Variants in LRP1B observed in about 807,000 individuals in gnomAD.
LRP1B encodes the protein LDL receptor related protein 1B.
LRP1B carries 217 observed loss-of-function variants against 556.6 expected under a neutral mutation model. The observed-to-expected ratio is 0.39, with a 90% CI of 0.35 to 0.44. The LOEUF (loss-of-function observed/expected upper bound fraction) is 0.44. Ranked by LOEUF, LRP1B falls within the 20% of genes least tolerant of loss-of-function variation. The pLI, the probability that LRP1B is intolerant of heterozygous loss-of-function variation, is 1.00. For missense variants in LRP1B, 5,053 were observed against 5,620.8 expected (o/e 0.90, Z 3.23); for synonymous variants, 2,047 against 1,865.8 (o/e 1.10, Z -2.50).
chr2:142,093,318 A>G (rs1346986834), intron 1 of LRP1B, among the ~76,000 whole-genome samples: 1 of 152,080 alleles, frequency 6.6e-6, no homozygotes, highest in African/African-American at 2.4e-5. Flanking sequence ...TGAGGGCAGC[A>G]TCACTTTTAC....
intron 7 of LRP1B, among the ~76,000 whole-genome samples, chr2:141,096,530 C>T (rs181723827): frequency 8.2e-4 from 125 of 151,750 alleles, no homozygotes; most frequent in South Asian, 2.1e-3. Flanking sequence ...ATGTAACACA[C>T]CTATCTGTGA....
At chr2:142,042,511 T>C (rs188393070) in intron 1 of LRP1B, among the ~76,000 whole-genome samples, 4 of 151,610 alleles carry the variant, frequency 2.6e-5, no homozygotes, top group African/African-American at 4.8e-5. Flanking sequence ...CTGTATACCA[T>C]TTGATCTCTA....
intron 20 of LRP1B, among the ~76,000 whole-genome samples, chr2:140,927,966 G>A (rs528017105): frequency 7.3e-5 from 11 of 151,582 alleles, no homozygotes; most frequent in East Asian, 5.8e-4. Context: ...GGCAGGTCTC[G>A]AACTCCTGAC....
intron 79 of LRP1B, among the ~76,000 whole-genome samples, chr2:140,332,468 T>C (rs778270177): frequency 1.3e-5 from 2 of 152,088 alleles, no homozygotes; most frequent in Non-Finnish European, 2.9e-5. Context: ...TGGTGCCTTA[T>C]GCAGATCTCC....
At chr2:140,572,450 A>G (rs1681358223) in intron 43 of LRP1B, among the ~76,000 whole-genome samples, 1 of 151,854 alleles carries the variant, frequency 6.6e-6, no homozygotes, top group African/African-American at 2.4e-5. Flanking sequence ...ATAAGATATC[A>G]TCTCACCCCA....
At chr2:141,215,782 G>A (rs574731058) in intron 6 of LRP1B, among the ~76,000 whole-genome samples, 8 of 152,314 alleles carry the variant, frequency 5.3e-5, no homozygotes, top group African/African-American at 1.9e-4. Flanking sequence ...CATTCAAGAT[G>A]TGTCCTGGCT....
intron 2 of LRP1B, among the ~76,000 whole-genome samples, chr2:141,616,123 A>G (rs1051239805): frequency 6.6e-6 from 1 of 152,002 alleles, no homozygotes; most frequent in Non-Finnish European, 1.5e-5. Context: ...ATCTACTAAA[A>G]ATACAAACAT....
chr2:141,226,114 T>TC (rs1007585013), intron 6 of LRP1B, among the ~76,000 whole-genome samples: 1 of 35,332 alleles, frequency 2.8e-5, no homozygotes, highest in Admixed American at 4.8e-4. Flanking sequence ...AGAGTCTCAA[T>TC]TTTCCCCCCC....
chr2:141,048,118 G>C (rs1339499099), intron 11 of LRP1B, among the ~76,000 whole-genome samples: 4 of 152,010 alleles, frequency 2.6e-5, no homozygotes, highest in African/African-American at 7.2e-5. Flanking sequence ...TTTATCTCCT[G>C]CGATATAGCT....
intron 3 of LRP1B, among the ~76,000 whole-genome samples, chr2:141,285,737 T>G (rs1285470662): frequency 1.1e-4 from 16 of 143,418 alleles, no homozygotes; most frequent in Admixed American, 1.1e-3. Context: ...ATTACAGGTG[T>G]GAGCCACCGA....
intron 3 of LRP1B, among the ~76,000 whole-genome samples, chr2:141,371,212 C>G (rs1296261441): frequency 6.6e-6 from 1 of 152,024 alleles, no homozygotes; most frequent in Non-Finnish European, 1.5e-5. Context: ...ACTTAGTTCT[C>G]TATTCTATTC....
intron 3 of LRP1B, among the ~76,000 whole-genome samples, chr2:141,393,159 A>G (rs1458844942): frequency 6.6e-6 from 1 of 152,118 alleles, no homozygotes; most frequent in African/African-American, 2.4e-5. Flanking sequence ...AACAAAGCAT[A>G]TAAGACTAAG....
chr2:141,762,604 A>G (rs1694597962), intron 2 of LRP1B, among the ~76,000 whole-genome samples: 1 of 152,084 alleles, frequency 6.6e-6, no homozygotes, highest in South Asian at 2.1e-4. Flanking sequence ...GGCAGGAAGG[A>G]TGTTGTAAGG....
intron 2 of LRP1B, among the ~76,000 whole-genome samples, chr2:141,782,514 CTTTT>C (rs5834867): frequency 5.1e-5 from 5 of 97,862 alleles, no homozygotes; most frequent in Non-Finnish European, 7.6e-5. Flanking sequence ...TTCTATTTTC[CTTTT>C]TTTTTTTTTT....
intron 75 of LRP1B, among the ~76,000 whole-genome samples, chr2:140,355,057 A>AGTAAG (rs545628125): frequency 0.023 from 3,429 of 152,088 alleles, 60 homozygotes; most frequent in Non-Finnish European, 0.034. Context: ...AGAGTTCAGA[A>AGTAAG]GTTACTCGTC....
intron 2 of LRP1B, among the ~76,000 whole-genome samples, chr2:141,665,720 T>C (rs370282524): frequency 7.9e-4 from 120 of 152,308 alleles, no homozygotes; most frequent in African/African-American, 2.6e-3. Context: ...ATGTGGTACA[T>C]ATATACCATG....
chr2:141,435,086 C>T (rs1005297715), intron 3 of LRP1B, among the ~76,000 whole-genome samples: 2 of 152,188 alleles, frequency 1.3e-5, no homozygotes, highest in Non-Finnish European at 2.9e-5. Flanking sequence ...AGGATCCAGA[C>T]TTGAGAATGC....
intron 1 of LRP1B, among the ~76,000 whole-genome samples, chr2:142,061,744 G>A (rs938865684): frequency 6.6e-6 from 1 of 151,934 alleles, no homozygotes; most frequent in African/African-American, 2.4e-5. Flanking sequence ...TTAGTCATAT[G>A]CATTTAATGG....
At chr2:141,883,771 A>C (rs992715409) in intron 1 of LRP1B, among the ~76,000 whole-genome samples, 1 of 152,192 alleles carries the variant, frequency 6.6e-6, no homozygotes. Context: ...TGATATGATG[A>C]AACAAAAAGA....
Sources: allele counts gnomAD v4.1 joint callset (sites outside exome capture counted in the v4.1 genomes callset), GRCh38; gene constraint gnomAD v4.1.1; transcripts MANE v1.5; gene names NCBI Gene and HGNC (gene_info 2026-07-23, HGNC 2026-07-21).